Variants in SPTBN1 observed in about 807,000 individuals in gnomAD.
The protein encoded by SPTBN1 is spectrin beta, non-erythrocytic 1.
In SPTBN1, 32 loss-of-function variants were observed where a neutral mutation model predicts 266.4. That is an observed-to-expected ratio of 0.12 (90% CI 0.09 to 0.16). SPTBN1 has a LOEUF of 0.16. Among genes scored for constraint, SPTBN1 ranks in the 10% least tolerant of loss-of-function variants. The pLI is 1.00. For synonymous variants in SPTBN1, 1,336 were observed against 1,162.2 expected (o/e 1.15, Z -3.04); for missense variants, 2,296 against 3,067.1 (o/e 0.75, Z 5.94).
chr2:54,524,445 C>G lies in SPTBN1; in HGVS notation c.-47-1927C>G, dbSNP rs1237954471. Among the ~76,000 whole-genome samples the G allele has an allele frequency of 1.3e-5, 2 of 152,138 alleles. 1 individual carries two copies. Among genetic ancestry groups the G allele is most frequent in the African/African-American group, 4.8e-5 (2 of 41,432 alleles). Reference sequence around the variant, plus strand: ...AGCTCAGTTTCTCAATGTCTCGGGTCTAGTCAGTCCTTCACCAGGCCCTGT... The same window carrying G: ...AGCTCAGTTTCTCAATGTCTCGGGTGTAGTCAGTCCTTCACCAGGCCCTGT... On this transcript the variant is annotated intron_variant, in intron 1 of 35. Coordinates refer to ENST00000356805, the MANE Select transcript of SPTBN1 (RefSeq NM_003128.3).
chr2:54,557,781 C>T (rs1672972669), intron 2 of SPTBN1: 3 of 985,410 alleles, frequency 3.0e-6, no homozygotes, highest in Non-Finnish European at 3.6e-6. Flanking sequence ...CTTCATATCC[C>T]CTGATGGCAG....
chr2:54,550,744 C>T (rs1232818679), intron 2 of SPTBN1, among the ~76,000 whole-genome samples: 1 of 152,154 alleles, frequency 6.6e-6, no homozygotes, highest in Non-Finnish European at 1.5e-5. Flanking sequence ...ATATTACACC[C>T]TTGTGTTTGT....
intron 2 of SPTBN1, among the ~76,000 whole-genome samples, chr2:54,581,333 A>G (rs1328515491): frequency 6.6e-6 from 1 of 152,076 alleles, no homozygotes; most frequent in Non-Finnish European, 1.5e-5. Flanking sequence ...ATTGAGGAGG[A>G]GGGGATGCTC....
At chr2:54,632,984 A>G (rs191671188) in intron 17 of SPTBN1, among the ~76,000 whole-genome samples, 57 of 152,338 alleles carry the variant, frequency 3.7e-4, no homozygotes, top group Non-Finnish European at 5.4e-4. Flanking sequence ...AGTGTCCACA[A>G]AAGGAAAGAA....
At position 54,622,493 on chromosome 2, in the gene SPTBN1, A is replaced by G; in HGVS notation, c.1064+6A>G. 6.2e-7 allele frequency: 1 copy of G among 1,613,662 alleles called. No individual in the cohort carries two copies. Among genetic ancestry groups the G allele is most frequent in the Non-Finnish European group, 8.5e-7 (1 of 1,179,670 alleles). ...ACTGTGGAGAAACCACCCAAGTAAG[A>G]TGCATATTGTAGTGTGATCATTAAT... is the stretch of plus-strand genomic sequence containing the variant. On this transcript the variant is annotated splice_donor_region_variant and intron_variant, in intron 9 of 35. Transcript: ENST00000356805.
Position 54,505,625 on chromosome 2 carries a change from C to T in SPTBN1, c.-47-20747C>T, listed in dbSNP as rs143246607. Among the ~76,000 whole-genome samples the T allele has an allele frequency of 2.7e-3, 406 of 152,186 alleles. 7 individuals are homozygous for T. In the South Asian group the frequency reaches 0.034, roughly 13 times the overall value. ...GGACTTTTCCCCAGGGGTCCTAGCTCCTGGGCTGGGTCTCCTAGGTGTCTT... is the reference window on the plus strand; with the variant it reads ...GGACTTTTCCCCAGGGGTCCTAGCTTCTGGGCTGGGTCTCCTAGGTGTCTT... On this transcript the variant is annotated intron_variant, in intron 1 of 35. Transcript: ENST00000356805.
At chr2:54,478,026 C>T (rs534207220) in intron 1 of SPTBN1, among the ~76,000 whole-genome samples, 53 of 152,128 alleles carry the variant, frequency 3.5e-4, no homozygotes, top group African/African-American at 1.2e-3. Context: ...TTGTTGATAC[C>T]AGTATTGTGG....
rs1679853995 is a variant in SPTBN1 at position 54,645,378 on chromosome 2, C to A, written c.4419C>A (p.Pro1473=). ...CCAAGTTCATGGAGTTGCTGGAGCC[C>A]TTGAACGAGAGGAAGCATAACCTGC... ...VQTKFMELLE[P]LNERKHNLLA... Residue 1473 remains proline, a synonymous_variant, in exon 21 of 36, where the codon CCC becomes CCA. Transcript: ENST00000356805. This position sits in a 1 kb window ranked among gnomAD's most constrained non-coding sequence, Gnocchi z 4.3. 6.2e-7 allele frequency: 1 copy of A among 1,614,064 alleles called. No individual in the cohort carries two copies. Among genetic ancestry groups the A allele is most frequent in the Admixed American group, 1.7e-5 (1 of 59,998 alleles).
chr2:54,652,508 A>T (rs1276793830), intron 26 of SPTBN1: 1 of 152,106 alleles, frequency 6.6e-6, no homozygotes, highest in Admixed American at 6.5e-5. Context: ...CTTTATTTTC[A>T]GTCTTTTGCT....
At chr2:54,498,134 T>G (rs961419585) in intron 1 of SPTBN1, among the ~76,000 whole-genome samples, 2 of 151,848 alleles carry the variant, frequency 1.3e-5, no homozygotes, top group African/African-American at 4.8e-5. Flanking sequence ...CAGCATGGAG[T>G]TGGAACTTCA....
At chr2:54,593,823 C>CTTTTTTTTT (rs374877354) in intron 2 of SPTBN1, among the ~76,000 whole-genome samples, 648 of 64,798 alleles carry the variant, frequency 0.01, 126 homozygotes, top group Admixed American at 0.024. Flanking sequence ...CATGGAAACA[C>CTTTTTTTTT]TTTTTTTTTT....
rs779743351 is a variant in SPTBN1, at chr2:54,646,236, G to A, written c.4627G>A (p.Asp1543Asn). 3 of 1,613,618 alleles carry A rather than the reference G, an allele frequency of 1.9e-6. No homozygotes were observed. Among genetic ancestry groups the A allele is most frequent in the South Asian group, 1.1e-5 (1 of 91,000 alleles). Reference protein sequence around the residue: ...EIQGHQPRIDDIFERSQNIVT... With the variant: ...EIQGHQPRIDNIFERSQNIVT... The stretch of plus-strand genomic sequence containing the variant: ...CCAGGGGCACCAGCCTCGCATTGAC[G>A]ACATCTTTGAGAGGAGCCAAAACAT... Residue 1543 changes from aspartate to asparagine, a missense_variant, in exon 23 of 36, where the codon GAC (aspartate) becomes AAC (asparagine). Asp to Asn is a conservative substitution (Grantham distance 23). Transcript: ENST00000356805. This position sits in a 1 kb window ranked among gnomAD's most constrained non-coding sequence, Gnocchi z 4.4.
At position 54,540,309 on chromosome 2, in the gene SPTBN1, CA is replaced by C. The variant is rs1211147674; in HGVS notation, c.148+13744del. 6.6e-6 allele frequency among the ~76,000 whole-genome samples: 1 copy of C among 152,136 alleles called. No homozygotes were observed. The highest frequency in any genetic ancestry group is 6.6e-5 in the Admixed American group (1 of 15,262). ...TACCAGAATATTTGTCTTAGATTTT[CA>C]TTCTGGCAGTGTCTGTATGATGTTA... On this transcript the variant is annotated intron_variant, in intron 2 of 35. Transcript: ENST00000356805. This position sits in a 1 kb window ranked among gnomAD's most constrained non-coding sequence, Gnocchi z 5.6.
chr2:54,564,363 C>G (rs1673531019), intron 2 of SPTBN1, among the ~76,000 whole-genome samples: 1 of 152,154 alleles, frequency 6.6e-6, no homozygotes, highest in Non-Finnish European at 1.5e-5. Context: ...ATCACCTCTC[C>G]TCACTCCTCA....
intron 1 of SPTBN1, among the ~76,000 whole-genome samples, chr2:54,505,077 A>G (rs6545417): frequency 0.03 from 4,557 of 152,350 alleles, 214 homozygotes; most frequent in African/African-American, 0.099. Context: ...AGTTAAACAT[A>G]GAGCTGGAAA....
intron 28 of SPTBN1, among the ~76,000 whole-genome samples, chr2:54,655,433 T>G (rs1398600064): frequency 1.3e-5 from 2 of 152,204 alleles, no homozygotes; most frequent in African/African-American, 2.4e-5. Flanking sequence ...GGCTACAAAA[T>G]GGACTCCGCA....
At chr2:54,526,114 A>T (rs1330681781) in intron 1 of SPTBN1, among the ~76,000 whole-genome samples, 1 of 152,222 alleles carries the variant, frequency 6.6e-6, no homozygotes, top group African/African-American at 2.4e-5. Context: ...CCATCATCTC[A>T]TTCAGTCCTG....
rs1223763968 is a variant in SPTBN1 at position 54,637,914 on chromosome 2, T to TA, written c.3858+112dup. ...TAAAATTAATGAAACCAGAAATCCA[T>TA]AGCACCCATTTGACTCGCAGGCAGG... On this transcript the variant is annotated intron_variant, in intron 18 of 35. Coordinates refer to ENST00000356805, the MANE Select transcript of SPTBN1 (RefSeq NM_003128.3). 31 of 889,370 alleles carry TA rather than the reference T, an allele frequency of 3.5e-5. No individual in the cohort carries two copies. In the East Asian group the frequency reaches 6.7e-4, roughly 19 times the overall value. The allele number at this position is 889,370 out of a possible 1,614,324, so 55.1% of individuals were successfully genotyped here.
chr2:54,524,895 C>G (rs1337547229), intron 1 of SPTBN1, among the ~76,000 whole-genome samples: 1 of 152,188 alleles, frequency 6.6e-6, no homozygotes, highest in South Asian at 2.1e-4. Context: ...AGGACCCACT[C>G]GAGAGGCCTT....
Sources: allele counts gnomAD v4.1 joint callset (sites outside exome capture counted in the v4.1 genomes callset), GRCh38; gene constraint gnomAD v4.1.1; non-coding constraint Gnocchi (gnomAD v3.1); transcripts MANE v1.5; gene names NCBI Gene and HGNC (gene_info 2026-07-23, HGNC 2026-07-21).